Variants in SLC12A6 observed in about 807,000 individuals in gnomAD.
SLC12A6 encodes the protein solute carrier family 12 member 6, also known as K-Cl cotransporter 3.
A neutral mutation model predicts 135.3 loss-of-function variants in SLC12A6; 66 were observed. That is an observed-to-expected ratio of 0.49 (90% confidence interval 0.40 to 0.60). The LOEUF (loss-of-function observed/expected upper bound fraction) is 0.60, where lower values mean the gene tolerates loss of function less well. Among genes scored for constraint, SLC12A6 ranks in the 20% least tolerant of loss-of-function variants. The pLI, the probability that SLC12A6 is intolerant of heterozygous loss-of-function variation, is 0.00. For synonymous variants in SLC12A6, 513 were observed against 508.8 expected, an observed-to-expected ratio of 1.01 and a Z score of -0.11; for missense variants, 1,058 against 1,452.3, an observed-to-expected ratio of 0.73 and a Z score of 4.41.
At chr15:34,293,539 G>C (rs1328849482) in intron 2 of SLC12A6, among the ~76,000 whole-genome samples, 1 of 152,246 alleles carries the variant, frequency 6.6e-6, no homozygotes, top group East Asian at 1.9e-4. Flanking sequence ...CCCGACCTCA[G>C]ATGACCTGTC....
intron 14 of SLC12A6, 127 bp downstream of exon 14, chr15:34,245,566 G>A: frequency 1.1e-6 from 1 of 941,950 alleles, no homozygotes; most frequent in South Asian, 1.3e-5. Context: ...TTGGGATTTA[G>A]AGGTTCTTGT....
chr15:34,293,087 C>T (rs1033742045), intron 2 of SLC12A6, among the ~76,000 whole-genome samples: 1 of 152,196 alleles, frequency 6.6e-6, no homozygotes, highest in African/African-American at 2.4e-5. Context: ...AATCACCCAT[C>T]TTCTGTGTCA....
At position 34,230,570 on chromosome 15, in the gene SLC12A6, C is replaced by G. The variant is rs955119979; in HGVS notation, c.*3311G>C. The G allele has an allele frequency of 1.3e-5, 2 of 152,572 alleles. No individual in the cohort carries two copies. Among genetic ancestry groups the G allele is most frequent in the African/African-American group, 4.8e-5 (2 of 41,368 alleles). 9.5% of individuals were successfully genotyped at this position (152,572 alleles called of 1,614,324 possible). ...CAGCAGGAGGATGTGTATTTCTAAT[C>G]TACCCTGGTAAAGTCATAGGTAAGA... On this transcript the variant is annotated 3_prime_UTR_variant, in exon 26 of 26. Transcript: ENST00000354181.
chr15:34,236,627 C>G, intron 23 of SLC12A6, 81 bp downstream of exon 23: 1 of 913,002 alleles, frequency 1.1e-6, no homozygotes, highest in South Asian at 1.3e-5. Context: ...CAGGCGTGAG[C>G]CACCATGCCC....
intron 2 of SLC12A6, among the ~76,000 whole-genome samples, chr15:34,300,174 T>C (rs1260297471): frequency 6.6e-6 from 1 of 152,130 alleles, no homozygotes; most frequent in Non-Finnish European, 1.5e-5. Context: ...TGGATCAATA[T>C]TGAACGACAA....
rs529245760 is a variant in SLC12A6 at position 34,329,745 on chromosome 15, G to C, written c.271+6665C>G. Among the ~76,000 whole-genome samples the C allele has an allele frequency of 7.2e-5, 11 of 152,276 alleles. No homozygotes were observed. The Middle Eastern group carries it at 0.02, about 283-fold the overall frequency. On this transcript the variant is annotated intron_variant, in intron 2 of 25. Transcript: ENST00000354181. The stretch of plus-strand genomic sequence containing the variant: ...CCTTTTTAAAAATTGGCCAGGCATG[G>C]TGGCTCATGCCTGCAATCCTAGCAC...
chr15:34,272,546 G>C (rs192363542), intron 3 of SLC12A6, among the ~76,000 whole-genome samples: 145 of 152,298 alleles, frequency 9.5e-4, no homozygotes, highest in African/African-American at 3.3e-3. Context: ...GGACATACCT[G>C]ATAATCTGGC....
chr15:34,236,056 C>T lies in SLC12A6; in HGVS notation c.3186G>A (p.Ala1062=), dbSNP rs1300448363. The T allele has an allele frequency of 5.6e-6, 9 of 1,613,956 alleles. No individual in the cohort carries two copies. Among genetic ancestry groups the T allele is most frequent in the South Asian group, 3.3e-5 (3 of 91,092 alleles). Reference sequence around the variant, plus strand: ...GGTCCTGGAATCCTTCCATTGACTTCGCTTTTTGTCCCCGGGATGCCATGT... The same window carrying T: ...GGTCCTGGAATCCTTCCATTGACTTTGCTTTTTGTCCCCGGGATGCCATGT... ...DKYMASRGQK[A]KSMEGFQDLL... Residue 1062 remains alanine, a synonymous_variant, in exon 24 of 26, where the codon GCG becomes GCA. Transcript: ENST00000354181.
intron 2 of SLC12A6, among the ~76,000 whole-genome samples, chr15:34,293,769 A>T (rs1035522208): frequency 6.6e-6 from 1 of 152,138 alleles, no homozygotes; most frequent in Non-Finnish European, 1.5e-5. Context: ...CTTGCTAATT[A>T]AAAAAATGTT....
chr15:34,245,572 CT>C (rs1203900493), intron 14 of SLC12A6, 120 bp downstream of exon 14: 1 of 973,114 alleles, frequency 1.0e-6, no homozygotes, highest in African/African-American at 1.6e-5. Flanking sequence ...TTTAGAGGTT[CT>C]TGTACTAAAA....
chr15:34,233,925 G>A lies in SLC12A6; in HGVS notation c.3409C>T (p.Leu1137Phe). The A allele has an allele frequency of 6.2e-7, 1 of 1,607,572 alleles. No homozygotes were observed. The highest frequency in any genetic ancestry group is 8.5e-7 in the Non-Finnish European group (1 of 1,173,998). The change falls in exon 26 of 26, where the codon CTT becomes TTT. Residue 1137 changes from leucine to phenylalanine, a missense_variant. Leu to Phe is a conservative substitution (Grantham distance 22, BLOSUM62 0). Around this residue, in one of 6 missense-constraint regions of SLC12A6, gnomAD observed 245 missense variants for 440.8 expected, o/e 0.56. Transcript: ENST00000354181. Reference sequence around the variant, plus strand: ...ACTTCACTGCCACCACCCCGGACAAGTAGGACTCGCTCTAGTCCCTCGGTA... The same window carrying A: ...ACTTCACTGCCACCACCCCGGACAAATAGGACTCGCTCTAGTCCCTCGGTA... ...VLTEGLERVL[L>F]VRGGGSEVIT...
chr15:34,325,217 A>G (rs1889384339), intron 2 of SLC12A6, among the ~76,000 whole-genome samples: 1 of 152,222 alleles, frequency 6.6e-6, no homozygotes, highest in South Asian at 2.1e-4. Flanking sequence ...CTCATTCTTA[A>G]GTAGAAGATG....
At chr15:34,255,145 G>T in intron 8 of SLC12A6, 117 bp downstream of exon 8, 1 of 863,746 alleles carries the variant, frequency 1.2e-6, no homozygotes, top group Non-Finnish European at 2.0e-6. Context: ...AACTGACGTT[G>T]GCAGTCAATC....
At chr15:34,287,830 C>CT (rs869263363) in intron 2 of SLC12A6, among the ~76,000 whole-genome samples, 1 of 151,896 alleles carries the variant, frequency 6.6e-6, no homozygotes, top group Non-Finnish European at 1.5e-5. Flanking sequence ...GGGTTGTTTG[C>CT]TTTTTTCTGG....
rs945754240 is a variant in SLC12A6 at position 34,231,787 on chromosome 15, C to T, written c.*2094G>A. 1 of 152,022 alleles carries T rather than the reference C, an allele frequency of 6.6e-6. No individual in the cohort carries two copies. The highest frequency in any genetic ancestry group is 1.5e-5 in the Non-Finnish European group (1 of 68,024). 9.4% of individuals were successfully genotyped at this position (152,022 alleles called of 1,614,324 possible). A position where few individuals can be genotyped will look rare whatever the true frequency, so the allele number is the denominator to read the frequency against. On this transcript the variant is annotated 3_prime_UTR_variant, in exon 26 of 26. Coordinates refer to ENST00000354181, the MANE Select transcript of SLC12A6 (RefSeq NM_001365088.1). Reference sequence around the variant, plus strand: ...TTGTATTTTTGTAGAGACAGGGTTTCACCGTGTTAGCCAGGATGGTCTCAA... The same window carrying T: ...TTGTATTTTTGTAGAGACAGGGTTTTACCGTGTTAGCCAGGATGGTCTCAA...
intron 19 of SLC12A6, among the ~76,000 whole-genome samples, chr15:34,239,891 T>C (rs1291211240): frequency 6.6e-6 from 1 of 152,216 alleles, no homozygotes; most frequent in African/African-American, 2.4e-5. Context: ...TCTGGAGTAA[T>C]GTTTCTTCAG....
Position 34,240,803 on chromosome 15 carries a change from A to G in SLC12A6, c.2294T>C (p.Leu765Pro). 1.9e-6 allele frequency: 3 copies of G among 1,613,904 alleles called. No individual in the cohort carries two copies. Among genetic ancestry groups the G allele is most frequent in the South Asian group, 2.2e-5 (2 of 91,032 alleles). Reference protein sequence around the residue: ...WRPQLLVLLKLDEDLHVKHPR... With the variant: ...WRPQLLVLLKPDEDLHVKHPR... ...ATGCTTGACATGTAAGTCTTCATCT[A>G]GTTTCAGTAATACAAGCAACTGAGG... is the stretch of plus-strand genomic sequence containing the variant. The change falls in exon 19 of 26, where the codon CTA becomes CCA. Residue 765 changes from leucine (L) to proline (P), a missense_variant. Leu to Pro is a moderately conservative substitution (Grantham distance 98, BLOSUM62 -3). This residue lies in a region of SLC12A6 where 170 missense variants were observed against 297.6 expected (regional missense o/e 0.57). Coordinates refer to ENST00000354181, the MANE Select transcript of SLC12A6 (RefSeq NM_001365088.1).
rs1888848636 is a variant in SLC12A6, at chr15:34,318,860, T to A, written c.271+17550A>T. ...TACAGCCCTGAGGGAGTGGGGCGCT[T>A]GAAGACACGCCTTCCACAGTGTTTA... is the stretch of plus-strand genomic sequence containing the variant. On this transcript the variant is annotated intron_variant, in intron 2 of 25. Coordinates refer to ENST00000354181, the MANE Select transcript of SLC12A6 (RefSeq NM_001365088.1). 5 of 1,449,614 alleles carry A rather than the reference T, an allele frequency of 3.4e-6. No individual in the cohort carries two copies. In the Admixed American group the frequency reaches 1.2e-4, roughly 34 times the overall value. The allele number at this position is 1,449,614 out of a possible 1,614,324, so 89.8% of individuals were successfully genotyped here.
chr15:34,281,888 C>T (rs1006880349), intron 2 of SLC12A6, among the ~76,000 whole-genome samples: 6 of 151,990 alleles, frequency 3.9e-5, no homozygotes, highest in African/African-American at 1.2e-4. Flanking sequence ...AAAGTTAATT[C>T]TTTATGTTTC....
Sources: gnomAD v4.1 joint callset for allele counts (sites outside exome capture counted in the v4.1 genomes callset) on GRCh38, gnomAD v4.1.1 for gene constraint, gnomAD v4.1.1 regional missense constraint, MANE v1.5 for transcripts, NCBI Gene and HGNC (gene_info 2026-07-23, HGNC 2026-07-21) for gene names.